FAM171A1: variants seen among roughly 807,000 people sequenced by gnomAD.
The protein encoded by FAM171A1 is family with sequence similarity 171 member A1.
FAM171A1 carries 23 observed loss-of-function variants against 74.9 expected under a neutral mutation model. The ratio of observed to expected loss-of-function variants is 0.31; its 90% confidence interval spans 0.22 to 0.44. FAM171A1 has a LOEUF of 0.44. FAM171A1 is among the 20% of genes least tolerant of loss of function. The probability of loss-of-function intolerance (pLI) is 1.00; values close to 1 mark genes in which losing one functional copy is unlikely to be tolerated. For synonymous variants in FAM171A1, 527 were observed against 505.7 expected (o/e 1.04, Z -0.57); for missense variants, 1,162 against 1,159.2 (o/e 1.00, Z -0.03).
At chr10:15,356,233 AATAC>A (rs199696700) in intron 1 of FAM171A1, among the ~76,000 whole-genome samples, 4 of 150,238 alleles carry the variant, frequency 2.7e-5, no homozygotes, top group African/African-American at 9.8e-5. Flanking sequence ...TATATATATA[AATAC>A]ATACATACAT....
chr10:15,229,807 TCACCACCACCATCAC>T (rs1564616902), intron 5 of FAM171A1, among the ~76,000 whole-genome samples: 4 of 8,546 alleles, frequency 4.7e-4, no homozygotes, highest in African/African-American at 2.4e-3. Flanking sequence ...ATCATCACCA[TCACCACCACCATCAC>T]CATCATCATC....
At chr10:15,274,434 C>A (rs892516820) in intron 3 of FAM171A1, among the ~76,000 whole-genome samples, 12 of 152,278 alleles carry the variant, frequency 7.9e-5, no homozygotes, top group African/African-American at 2.9e-4. Flanking sequence ...TAGGAAAAAT[C>A]AATATCGTGA....
intron 1 of FAM171A1, among the ~76,000 whole-genome samples, chr10:15,285,837 G>A (rs1182636294): frequency 6.6e-6 from 1 of 152,330 alleles, no homozygotes; most frequent in Admixed American, 6.5e-5. Flanking sequence ...TGAGCCGGCT[G>A]CAGGCTGGCT....
intron 2 of FAM171A1, among the ~76,000 whole-genome samples, chr10:15,279,231 T>C (rs1834935277): frequency 6.6e-6 from 1 of 152,254 alleles, no homozygotes; most frequent in South Asian, 2.1e-4. Flanking sequence ...ATAAGGCAGC[T>C]GCTCTGGCAA....
intron 1 of FAM171A1, among the ~76,000 whole-genome samples, chr10:15,348,696 A>T (rs553331095): frequency 1.9e-3 from 288 of 152,300 alleles, no homozygotes; most frequent in Non-Finnish European, 3.1e-3. Flanking sequence ...CTCAGGGGCC[A>T]CACGGGACCC....
intron 3 of FAM171A1, among the ~76,000 whole-genome samples, chr10:15,255,486 G>A (rs1034925746): frequency 1.3e-5 from 2 of 152,156 alleles, no homozygotes; most frequent in African/African-American, 4.8e-5. Flanking sequence ...GATGGATTAT[G>A]TCACAGAATT....
At chr10:15,266,111 G>A (rs867069818) in intron 3 of FAM171A1, among the ~76,000 whole-genome samples, 2 of 152,182 alleles carry the variant, frequency 1.3e-5, no homozygotes, top group African/African-American at 2.4e-5. Flanking sequence ...GACCTGCTCC[G>A]AGTGTCTTCT....
At chr10:15,320,230 C>T (rs1471033953) in intron 1 of FAM171A1, among the ~76,000 whole-genome samples, 2 of 152,162 alleles carry the variant, frequency 1.3e-5, no homozygotes, top group African/African-American at 4.8e-5. Context: ...TATTCAGTTT[C>T]CTGTTCCTGC....
At chr10:15,356,742 G>A (rs1054052811) in intron 1 of FAM171A1, among the ~76,000 whole-genome samples, 7 of 152,198 alleles carry the variant, frequency 4.6e-5, no homozygotes, top group East Asian at 1.9e-4. Context: ...GGGCCGAGGC[G>A]GGTGGATCCC....
In FAM171A1 at chr10:15,286,110, G is replaced by C. The variant is rs185793613; in HGVS notation, c.98-2005C>G. Among the ~76,000 whole-genome samples, 441 of 152,318 alleles carry C rather than the reference G, an allele frequency of 2.9e-3. 2 individuals carry two copies. The highest frequency in any genetic ancestry group is 0.01 in the African/African-American group (423 of 41,568). On this transcript the variant is annotated intron_variant, in intron 1 of 7. Transcript: ENST00000378116. Reference sequence around the variant, plus strand: ...TTTAGTGTAATGCCTGGTGCAGTAAGCACCGACACAAGCTACTGCAATTGT... The same window carrying C: ...TTTAGTGTAATGCCTGGTGCAGTAACCACCGACACAAGCTACTGCAATTGT...
At chr10:15,370,210 TG>T in intron 1 of FAM171A1, among the ~76,000 whole-genome samples, 1 of 150,062 alleles carries the variant, frequency 6.7e-6, no homozygotes, top group East Asian at 2.0e-4. Context: ...AGGCACGAGC[TG>T]GCGACAAACT....
chr10:15,215,221 T>C (rs1474783225), intron 7 of FAM171A1, among the ~76,000 whole-genome samples: 2 of 152,222 alleles, frequency 1.3e-5, no homozygotes, highest in African/African-American at 4.8e-5. Flanking sequence ...TTTGCATTTT[T>C]AAAAATAAAA....
At chr10:15,356,769 G>T (rs144784863) in intron 1 of FAM171A1, among the ~76,000 whole-genome samples, 1 of 152,124 alleles carries the variant, frequency 6.6e-6, no homozygotes, top group East Asian at 1.9e-4. Flanking sequence ...TCAGGAGCTC[G>T]AGACCAGCCT....
intron 5 of FAM171A1, among the ~76,000 whole-genome samples, chr10:15,228,564 A>G (rs1398882543): frequency 6.6e-6 from 1 of 152,004 alleles, no homozygotes; most frequent in African/African-American, 2.4e-5. Flanking sequence ...GGCTGGTCGC[A>G]AACTCCTGGG....
chr10:15,351,693 G>GTGGA (rs879620442), intron 1 of FAM171A1, among the ~76,000 whole-genome samples: 51 of 151,372 alleles, frequency 3.4e-4, no homozygotes, highest in South Asian at 8.4e-4. Context: ...GGATGGATGG[G>GTGGA]TGGATGGATG....
At position 15,304,538 on chromosome 10, in the gene FAM171A1, G is replaced by A. The variant is rs937520712; in HGVS notation, c.98-20433C>T. ...CAAATTAGCCAACCCTAAACCTGCTGCGGCCGCATACCCTGCCTTGTCCAT... is the reference window on the plus strand; with the variant it reads ...CAAATTAGCCAACCCTAAACCTGCTACGGCCGCATACCCTGCCTTGTCCAT... On this transcript the variant is annotated intron_variant, in intron 1 of 7. Transcript: ENST00000378116. Among the ~76,000 whole-genome samples, 4 of 152,104 alleles carry A rather than the reference G, an allele frequency of 2.6e-5. No individual in the cohort carries two copies. The East Asian group carries it at 5.8e-4, about 22-fold the overall frequency.
intron 4 of FAM171A1, among the ~76,000 whole-genome samples, chr10:15,253,894 A>G (rs1029727876): frequency 2.0e-5 from 3 of 152,192 alleles, no homozygotes; most frequent in Admixed American, 1.3e-4. Context: ...GTGCAGTTGG[A>G]CACAAACAGA....
At chr10:15,341,878 A>G (rs4750625) in intron 1 of FAM171A1, among the ~76,000 whole-genome samples, 69,523 of 152,004 alleles carry the variant, frequency 0.46, 16,023 homozygotes, top group Non-Finnish European at 0.49. Flanking sequence ...ATGAAGGTCG[A>G]CTTCCTTCCC....
upstream of FAM171A1, among the ~76,000 whole-genome samples, chr10:15,373,480 C>T (rs1049900228): frequency 6.6e-6 from 1 of 152,212 alleles, no homozygotes; most frequent in South Asian, 2.1e-4. Context: ...CATGTTACTT[C>T]TGAGAATAAA....
Sources: gnomAD v4.1 joint callset for allele counts (sites outside exome capture counted in the v4.1 genomes callset) on GRCh38, gnomAD v4.1.1 for gene constraint, MANE v1.5 for transcripts, NCBI Gene and HGNC (gene_info 2026-07-23, HGNC 2026-07-21) for gene names.